CPXM2: variants seen among roughly 807,000 people sequenced by gnomAD.
The protein encoded by CPXM2 is carboxypeptidase X, M14 family member 2, also known as inactive carboxypeptidase-like protein X2.
Under a neutral mutation model 86.1 loss-of-function variants are expected in CPXM2, and 66 were observed. The observed-to-expected ratio is 0.77, with a 90% CI of 0.63 to 0.94. The LOEUF (loss-of-function observed/expected upper bound fraction) is 0.94. Ranked by LOEUF, CPXM2 falls within the 40% of genes least tolerant of loss-of-function variation. CPXM2 has a pLI of 0.00. For synonymous variants in CPXM2, 388 were observed against 400.2 expected, an observed-to-expected ratio of 0.97 and a Z score of 0.36; for missense variants, 948 against 1,026.3, an observed-to-expected ratio of 0.92 and a Z score of 1.04.
rs140998861 is a variant in CPXM2 at position 123,784,475 on chromosome 10, C to T, written c.890-4220G>A. Among the ~76,000 whole-genome samples, 450 of 152,318 alleles carry T rather than the reference C, an allele frequency of 3.0e-3. 2 individuals are homozygous for T. Among genetic ancestry groups the T allele is most frequent in the African/African-American group, 0.011 (437 of 41,554 alleles). ...ATCTCTGCCTCCTCACCCCTGAGTCCTCCTGTGGTTTTCTTTTGACTCCTC... is the reference window on the plus strand; with the variant it reads ...ATCTCTGCCTCCTCACCCCTGAGTCTTCCTGTGGTTTTCTTTTGACTCCTC... On this transcript the variant is annotated intron_variant, in intron 6 of 13. Coordinates refer to ENST00000241305, the MANE Select transcript of CPXM2 (RefSeq NM_198148.3).
At chr10:123,888,613 T>C (rs1945217315) in intron 1 of CPXM2, among the ~76,000 whole-genome samples, 1 of 152,248 alleles carries the variant, frequency 6.6e-6, no homozygotes, top group Non-Finnish European at 1.5e-5. Flanking sequence ...GTAGTTTAAC[T>C]GCACAAAACT....
intron 4 of CPXM2, among the ~76,000 whole-genome samples, chr10:123,823,409 G>A (rs988565581): frequency 6.6e-6 from 1 of 152,118 alleles, no homozygotes; most frequent in Non-Finnish European, 1.5e-5. Context: ...TTTTGCGTCT[G>A]TCAGAAAGCT....
intron 2 of CPXM2, among the ~76,000 whole-genome samples, chr10:123,920,766 A>G (rs1359683946): frequency 6.6e-6 from 1 of 152,204 alleles, no homozygotes; most frequent in Non-Finnish European, 1.5e-5. Flanking sequence ...GCCCTCATGA[A>G]TGGATTAATG....
intron 4 of CPXM2, among the ~76,000 whole-genome samples, chr10:123,823,580 A>T (rs1006075861): frequency 6.6e-6 from 1 of 152,202 alleles, no homozygotes; most frequent in African/African-American, 2.4e-5. Flanking sequence ...TGTGTAAAAA[A>T]TCAACACTGA....
intron 1 of CPXM2, among the ~76,000 whole-genome samples, chr10:123,881,305 T>C (rs1945089319): frequency 1.4e-5 from 2 of 139,294 alleles, no homozygotes; most frequent in Admixed American, 1.4e-4. Context: ...CCTGAACATC[T>C]CAGCTCTGGC....
chr10:123,840,657 G>GA lies in CPXM2; in HGVS notation c.653+1691dup, dbSNP rs200295189. Among the ~76,000 whole-genome samples, 484 of 152,202 alleles carry GA rather than the reference G, an allele frequency of 3.2e-3. 6 individuals are homozygous for GA. The highest frequency in any genetic ancestry group is 0.014 in the Middle Eastern group (4 of 294). The stretch of plus-strand genomic sequence containing the variant: ...ATGTAACATTATTGCAATATGGGGG[G>GA]AAAAATCTGTTCGCATAAGGACCAC... On this transcript the variant is annotated intron_variant, in intron 4 of 13. Transcript: ENST00000241305.
Position 123,786,316 on chromosome 10 carries a change from G to A in CPXM2, c.890-6061C>T, listed in dbSNP as rs79642469. The stretch of plus-strand genomic sequence containing the variant: ...AGCACACGCTTCTGTAGACAGAGAC[G>A]GACGGGTGGCAAAGGCTGCGTTCCT... On this transcript the variant is annotated intron_variant, in intron 6 of 13. Coordinates refer to ENST00000241305, the MANE Select transcript of CPXM2 (RefSeq NM_198148.3). Among the ~76,000 whole-genome samples, 261 of 152,278 alleles carry A rather than the reference G, an allele frequency of 1.7e-3. 1 individual carries two copies. Among genetic ancestry groups the A allele is most frequent in the African/African-American group, 6.0e-3 (249 of 41,562 alleles).
intron 7 of CPXM2, among the ~76,000 whole-genome samples, 165 bp downstream of exon 7, chr10:123,780,002 A>G (rs1846895508): frequency 6.6e-6 from 1 of 152,200 alleles, no homozygotes; most frequent in Non-Finnish European, 1.5e-5. Flanking sequence ...ACCTGAACCC[A>G]GAATCTTGAA....
upstream of CPXM2, among the ~76,000 whole-genome samples, chr10:123,942,638 A>C (rs1401814662): frequency 6.6e-6 from 1 of 152,250 alleles, no homozygotes; most frequent in Non-Finnish European, 1.5e-5. Context: ...TTTCCAAGAA[A>C]ACTTGTGAAT....
chr10:123,911,797 G>A (rs578030047), intron 2 of CPXM2, among the ~76,000 whole-genome samples: 8 of 152,062 alleles, frequency 5.3e-5, no homozygotes, highest in South Asian at 2.1e-4. Context: ...TGTGAGCACC[G>A]TCTCCTGTAA....
At chr10:123,839,188 G>C (rs1324370340) in intron 4 of CPXM2, among the ~76,000 whole-genome samples, 1 of 152,026 alleles carries the variant, frequency 6.6e-6, no homozygotes, top group African/African-American at 2.4e-5. Flanking sequence ...TTATGAGATC[G>C]AGAGTAGTTA....
chr10:123,797,570 T>C (rs1287807959), intron 6 of CPXM2, among the ~76,000 whole-genome samples: 1 of 135,922 alleles, frequency 7.4e-6, no homozygotes, highest in Non-Finnish European at 1.6e-5. Context: ...GCTTGGTTTA[T>C]TATTACTTTT....
At chr10:123,938,803 G>A (rs560019720) in intron 2 of CPXM2, among the ~76,000 whole-genome samples, 1 of 152,186 alleles carries the variant, frequency 6.6e-6, no homozygotes, top group Non-Finnish European at 1.5e-5. Flanking sequence ...GGCTTTCAAT[G>A]TAGAGTCGGT....
At chr10:123,757,172 C>A (rs1396845537) in intron 12 of CPXM2, 41 bp downstream of exon 12, 1 of 1,593,688 alleles carries the variant, frequency 6.3e-7, no homozygotes, top group Admixed American at 1.7e-5. Flanking sequence ...CCTCATCCCC[C>A]AGCTAGTCCC....
At chr10:123,863,249 A>G (rs1295485657) in intron 2 of CPXM2, among the ~76,000 whole-genome samples, 1 of 152,226 alleles carries the variant, frequency 6.6e-6, no homozygotes, top group Non-Finnish European at 1.5e-5. Context: ...CGTAAGAATG[A>G]CAATGCTTAA....
intron 2 of CPXM2, among the ~76,000 whole-genome samples, chr10:123,903,930 G>T (rs1945408389): frequency 6.6e-6 from 1 of 152,178 alleles, no homozygotes; most frequent in Admixed American, 6.5e-5. Context: ...GCCTGGCCAA[G>T]ACATGAGCCC....
At chr10:123,764,913 G>A (rs1846434023) in intron 10 of CPXM2, among the ~76,000 whole-genome samples, 1 of 152,092 alleles carries the variant, frequency 6.6e-6, no homozygotes, top group Non-Finnish European at 1.5e-5. Flanking sequence ...ATTCTTTGCT[G>A]TAATCCACAA....
chr10:123,751,698 A>T, intron 13 of CPXM2: 1 of 985,424 alleles, frequency 1.0e-6, no homozygotes, highest in Non-Finnish European at 1.2e-6. Context: ...TTTATGCAAA[A>T]TCCATCCCGA....
intron 11 of CPXM2, among the ~76,000 whole-genome samples, chr10:123,760,390 T>C (rs61861854): frequency 0.043 from 6,524 of 152,296 alleles, 142 homozygotes; most frequent in Non-Finnish European, 0.052. Flanking sequence ...TTTTATTTCA[T>C]ACAAGATAAA....
Sources: gnomAD v4.1 joint callset for allele counts (sites outside exome capture counted in the v4.1 genomes callset) on GRCh38, gnomAD v4.1.1 for gene constraint, MANE v1.5 for transcripts, NCBI Gene and HGNC (gene_info 2026-07-23, HGNC 2026-07-21) for gene names.